COL14A1: variants seen among roughly 807,000 people sequenced by gnomAD.
COL14A1 encodes collagen alpha-1(XIV) chain.
Under a neutral mutation model 230.3 loss-of-function variants are expected in COL14A1, and 136 were observed. That is an observed-to-expected ratio of 0.59 (90% CI 0.51 to 0.68). COL14A1 has a LOEUF of 0.68. Among genes scored for constraint, COL14A1 ranks in the 30% least tolerant of loss-of-function variants. The probability of loss-of-function intolerance (pLI) is 0.00; values close to 1 mark genes in which losing one functional copy is unlikely to be tolerated. For missense variants in COL14A1, 1,976 were observed against 2,215.8 expected (o/e 0.89, Z 2.17); for synonymous variants, 792 against 784.1 (o/e 1.01, Z -0.17).
intron 8 of COL14A1, among the ~76,000 whole-genome samples, chr8:120,202,436 T>G (rs1414830901): frequency 1.3e-5 from 2 of 152,188 alleles, no homozygotes; most frequent in Non-Finnish European, 2.9e-5. Flanking sequence ...TTTCTCTTCC[T>G]TGCTTCTATA....
At position 120,257,487 on chromosome 8, in the gene COL14A1, A is replaced by G. The variant is rs572825239; in HGVS notation, c.2869+2131A>G. Among the ~76,000 whole-genome samples, 8 of 152,312 alleles carry G rather than the reference A, an allele frequency of 5.3e-5. No individual in the cohort carries two copies. In the South Asian group the frequency reaches 1.7e-3, roughly 32 times the overall value. The stretch of plus-strand genomic sequence containing the variant: ...GTGGCAGTAGGAAATGTGTTTGGAT[A>G]GTTTAACTCATACAAATTAGATCAA... On this transcript the variant is annotated intron_variant, in intron 23 of 47. Coordinates refer to ENST00000297848, the MANE Select transcript of COL14A1 (RefSeq NM_021110.4).
At chr8:120,336,944 G>C (rs1179607649) in intron 42 of COL14A1, among the ~76,000 whole-genome samples, 1 of 152,138 alleles carries the variant, frequency 6.6e-6, no homozygotes, top group Non-Finnish European at 1.5e-5. Context: ...CCCTTCGCAG[G>C]CTGTTAGGTA....
chr8:120,177,078 A>C (rs933609090), intron 5 of COL14A1, among the ~76,000 whole-genome samples: 1 of 152,162 alleles, frequency 6.6e-6, no homozygotes, highest in Non-Finnish European at 1.5e-5. Flanking sequence ...CACACAGCTT[A>C]GGTATTCAAA....
intron 45 of COL14A1, among the ~76,000 whole-genome samples, chr8:120,349,547 T>C (rs1334802604): frequency 1.5e-5 from 2 of 130,152 alleles, no homozygotes; most frequent in African/African-American, 6.5e-5. Context: ...TTAAAGGAGC[T>C]GATGGAGCTG....
chr8:120,258,798 A>G (rs986316294), intron 23 of COL14A1, among the ~76,000 whole-genome samples: 1 of 152,198 alleles, frequency 6.6e-6, no homozygotes, highest in African/African-American at 2.4e-5. Flanking sequence ...TGGGTAATTC[A>G]GAGCCCTGTG....
At chr8:120,216,956 C>T (rs1817770136) in intron 14 of COL14A1, among the ~76,000 whole-genome samples, 1 of 152,198 alleles carries the variant, frequency 6.6e-6, no homozygotes, top group African/African-American at 2.4e-5. Context: ...TCACCTCTAT[C>T]ACACTCCATT....
At chr8:120,353,542 A>G (rs974942408) in intron 45 of COL14A1, among the ~76,000 whole-genome samples, 6 of 150,532 alleles carry the variant, frequency 4.0e-5, no homozygotes, top group Non-Finnish European at 5.9e-5. Flanking sequence ...ACAAATTTAC[A>G]AGAAAAAAAC....
intron 5 of COL14A1, among the ~76,000 whole-genome samples, chr8:120,192,535 C>T (rs1816864114): frequency 6.6e-6 from 1 of 152,160 alleles, no homozygotes; most frequent in South Asian, 2.1e-4. Context: ...TGGAGTTGCT[C>T]TTCTCGAGGA....
At chr8:120,303,838 G>A (rs1820785738) in intron 36 of COL14A1, among the ~76,000 whole-genome samples, 1 of 151,990 alleles carries the variant, frequency 6.6e-6, no homozygotes, top group African/African-American at 2.4e-5. Context: ...TGTACATCTT[G>A]TAGAATTTGA....
rs10093240 is a variant in COL14A1, at chr8:120,272,452, C to T, written c.3213+2278C>T. ...ACTGTACCTCACATCTCAATATTAA[C>T]GTTGAATGTAAATAGCCTAAGTGCT... On this transcript the variant is annotated intron_variant, in intron 26 of 47. Coordinates refer to ENST00000297848, the MANE Select transcript of COL14A1 (RefSeq NM_021110.4). 5.3e-3 allele frequency among the ~76,000 whole-genome samples: 809 copies of T among 151,734 alleles called. 6 individuals are homozygous for T. The highest frequency in any genetic ancestry group is 0.018 in the African/African-American group (738 of 41,474).
chr8:120,178,761 A>G (rs1184117697), intron 5 of COL14A1, among the ~76,000 whole-genome samples: 2 of 152,102 alleles, frequency 1.3e-5, no homozygotes, highest in African/African-American at 2.4e-5. Context: ...TTTTTAATAG[A>G]TTGCCATTCT....
At chr8:120,260,885 C>T (rs1048085535) in intron 23 of COL14A1, among the ~76,000 whole-genome samples, 13 of 152,138 alleles carry the variant, frequency 8.5e-5, no homozygotes, top group Admixed American at 2.0e-4. Flanking sequence ...CTATATATTT[C>T]ATTTACATTT....
chr8:120,172,138 TA>T (rs1347434295), intron 5 of COL14A1, among the ~76,000 whole-genome samples: 1 of 144,960 alleles, frequency 6.9e-6, no homozygotes, highest in Non-Finnish European at 1.5e-5. Flanking sequence ...ATTTTAGGGT[TA>T]AATTCTTTTG....
Position 120,213,731 on chromosome 8 carries a change from A to T in COL14A1, c.1597+1154A>T, listed in dbSNP as rs144288329. On this transcript the variant is annotated intron_variant, in intron 13 of 47. Coordinates refer to ENST00000297848, the MANE Select transcript of COL14A1 (RefSeq NM_021110.4). ...TTTATACTTCTTAAAAATATGTACAACTCCTTCCCATGATTAGCAAAAAGG... is the reference window on the plus strand; with the variant it reads ...TTTATACTTCTTAAAAATATGTACATCTCCTTCCCATGATTAGCAAAAAGG... 6.6e-5 allele frequency among the ~76,000 whole-genome samples: 10 copies of T among 151,816 alleles called. No individual in the cohort carries two copies. The East Asian group carries it at 1.9e-3, about 29-fold the overall frequency.
chr8:120,308,803 T>C (rs1293844432), intron 36 of COL14A1, among the ~76,000 whole-genome samples: 1 of 152,230 alleles, frequency 6.6e-6, no homozygotes, highest in Non-Finnish European at 1.5e-5. Flanking sequence ...TATTCCATTT[T>C]CAATGATTTT....
chr8:120,310,110 C>G lies in COL14A1; in HGVS notation c.4455+48C>G, dbSNP rs1235572706. On this transcript the variant is annotated intron_variant, in intron 37 of 47. Transcript: ENST00000297848. ...CTCTCTGTCTCATCTCTCTCTCTCT[C>G]TCATAAATAGCCATCATTTTGGAGC... 3.8e-6 allele frequency: 6 copies of G among 1,574,016 alleles called. 1 individual carries two copies. The highest frequency in any genetic ancestry group is 3.4e-5 in the South Asian group (3 of 88,942).
Position 120,280,903 on chromosome 8 carries a change from CTTTTT to C in COL14A1, c.3686-7_3686-3del. ...ATTCCTTATGTTTATTCTTTTTCTA[CTTTTT>C]TTTTTTTTTTAGGATTTAAGATGAT... On this transcript the variant is annotated splice_polypyrimidine_tract_variant and intron_variant, in intron 30 of 47. Transcript: ENST00000297848. The C allele has an allele frequency of 5.7e-6, 8 of 1,398,514 alleles. No individual in the cohort carries two copies. The highest frequency in any genetic ancestry group is 1.4e-5 in the South Asian group (1 of 72,382). The allele number at this position is 1,398,514 out of a possible 1,614,324, so 86.6% of individuals were successfully genotyped here. A position where few individuals can be genotyped will look rare whatever the true frequency, so the allele number is the denominator to read the frequency against.
chr8:120,208,476 C>A, intron 11 of COL14A1, 115 bp downstream of exon 11: 2 of 1,157,814 alleles, frequency 1.7e-6, no homozygotes, highest in Non-Finnish European at 1.2e-6. Context: ...CGAATTCAAT[C>A]AAATTCATAG....
chr8:120,224,147 C>T (rs574704623), intron 14 of COL14A1, among the ~76,000 whole-genome samples: 2 of 150,164 alleles, frequency 1.3e-5, no homozygotes, highest in South Asian at 4.3e-4. Flanking sequence ...CTGCCATGGC[C>T]TCCTGAGTAG....
Sources: allele counts gnomAD v4.1 joint callset (sites outside exome capture counted in the v4.1 genomes callset), GRCh38; gene constraint gnomAD v4.1.1; transcripts MANE v1.5; gene names NCBI Gene and HGNC (gene_info 2026-07-23, HGNC 2026-07-21).